SAMD4B: variants seen among roughly 807,000 people sequenced by gnomAD.
SAMD4B encodes sterile alpha motif domain containing 4B, also known as protein Smaug homolog 2.
Under a neutral mutation model 74.5 loss-of-function variants are expected in SAMD4B, and 5 were observed. That is an observed-to-expected ratio of 0.07 (90% CI 0.04 to 0.14). The LOEUF is 0.14. Among genes scored for constraint, SAMD4B ranks in the 10% least tolerant of loss-of-function variants. The pLI is 1.00. For synonymous variants in SAMD4B, 373 were observed against 374.9 expected, an observed-to-expected ratio of 1.00 and a Z score of 0.06; for missense variants, 608 against 921.8, an observed-to-expected ratio of 0.66 and a Z score of 4.41.
At position 39,375,620 on chromosome 19, in the gene SAMD4B, A is replaced by G; in HGVS notation, c.668-30A>G. The G allele has an allele frequency of 6.3e-7, 1 of 1,589,528 alleles. No individual in the cohort carries two copies. The highest frequency in any genetic ancestry group is 8.6e-7 in the Non-Finnish European group (1 of 1,160,594). ...CTCCTGTGGTTGGGTCCCCAGGTCT[A>G]ATATTTTGCTTTTCTCCCACTCTGG... On this transcript the variant is annotated intron_variant, in intron 4 of 13. Transcript: ENST00000610417. This position sits in a 1 kb window ranked among gnomAD's most constrained non-coding sequence, Gnocchi z 4.1.
intron 1 of SAMD4B, 150 bp downstream of exon 1, chr19:39,342,726 TC>T (rs2075379728): frequency 6.6e-6 from 1 of 151,628 alleles, no homozygotes; most frequent in South Asian, 1.8e-4. Context: ...AACGCGGGCC[TC>T]GGGGGGCCGG....
In SAMD4B at chr19:39,373,547, G is replaced by A. The variant is rs557425272; in HGVS notation, c.668-2103G>A. ...GGCAGCAGCAGAGGGGTACATGACC[G>A]AGGCATGAAGGGAGAAGTGGCTGAT... On this transcript the variant is annotated intron_variant, in intron 4 of 13. Coordinates refer to ENST00000610417, the MANE Select transcript of SAMD4B (RefSeq NM_001384574.2). Among the ~76,000 whole-genome samples the A allele has an allele frequency of 3.3e-5, 5 of 152,256 alleles. No homozygotes were observed. The South Asian group carries it at 8.3e-4, about 25-fold the overall frequency.
downstream of SAMD4B, chr19:39,386,694 C>G (rs772902240): frequency 2.5e-6 from 4 of 1,612,322 alleles, no homozygotes; most frequent in Admixed American, 5.0e-5. This position sits in a 1 kb window ranked among gnomAD's most constrained non-coding sequence, Gnocchi z 6.1. Context: ...TGCTTGTTAC[C>G]TGAGCTTCCA....
intron 3 of SAMD4B, among the ~76,000 whole-genome samples, chr19:39,360,346 A>C (rs1209921649): frequency 1.3e-5 from 2 of 152,194 alleles, no homozygotes; most frequent in African/African-American, 4.8e-5. Flanking sequence ...AGTGCTGTGA[A>C]ATGAATTGAA....
chr19:39,356,987 C>T lies in SAMD4B; in HGVS notation c.94C>T (p.Arg32Trp). The change falls in exon 3 of 14, where the codon CGG (arginine) becomes TGG (tryptophan). Residue 32 changes from arginine to tryptophan, a missense_variant. By Grantham distance (101) the Arg-to-Trp change is moderately radical. This residue lies in a region of SAMD4B where 74 missense variants were observed against 182.0 expected (regional missense o/e 0.41). Coordinates refer to ENST00000610417, the MANE Select transcript of SAMD4B (RefSeq NM_001384574.2). ...QTVALLSLLK[R>W]VTRTQARFLQ... ...AGTGGCCCTCCTGTCACTTCTGAAACGGGTCACCCGTACCCAGGCCCGCTT... is the reference window on the plus strand; with the variant it reads ...AGTGGCCCTCCTGTCACTTCTGAAATGGGTCACCCGTACCCAGGCCCGCTT... The T allele has an allele frequency of 6.2e-7, 1 of 1,614,046 alleles. No individual in the cohort carries two copies. Among genetic ancestry groups the T allele is most frequent in the Non-Finnish European group, 8.5e-7 (1 of 1,179,980 alleles).
chr19:39,354,953 A>G (rs1600526546), intron 2 of SAMD4B, among the ~76,000 whole-genome samples: 1 of 152,058 alleles, frequency 6.6e-6, no homozygotes, highest in African/African-American at 2.4e-5. Context: ...GCTCACTGCA[A>G]CCTCCGCCTC....
In SAMD4B at chr19:39,361,432, T is replaced by C. The variant is rs1335138805; in HGVS notation, c.196+4343T>C. ...GAGATTGAGACCATCCTGGCTAAAA[T>C]GGTGAAACCCCGTCTCTACTAAAAA... On this transcript the variant is annotated intron_variant, in intron 3 of 13. Coordinates refer to ENST00000610417, the MANE Select transcript of SAMD4B (RefSeq NM_001384574.2). 1.6e-3 allele frequency among the ~76,000 whole-genome samples: 196 copies of C among 125,832 alleles called. No homozygotes were observed. The Middle Eastern group carries it at 0.018, about 12-fold the overall frequency. The allele number at this position is 125,832 out of a possible 152,430, so 82.6% of individuals were successfully genotyped here.
intron 1 of SAMD4B, among the ~76,000 whole-genome samples, chr19:39,349,200 A>G (rs1352710780): frequency 6.6e-6 from 1 of 152,256 alleles, no homozygotes; most frequent in Non-Finnish European, 1.5e-5. Context: ...TCTTTGGGAA[A>G]TGGAAGAAGT....
In SAMD4B at chr19:39,359,579, C is replaced by T. The variant is rs375007440; in HGVS notation, c.196+2490C>T. Among the ~76,000 whole-genome samples the T allele has an allele frequency of 2.6e-5, 4 of 152,306 alleles. 1 individual carries two copies. Among genetic ancestry groups the T allele is most frequent in the African/African-American group, 7.2e-5 (3 of 41,558 alleles). On this transcript the variant is annotated intron_variant, in intron 3 of 13. Coordinates refer to ENST00000610417, the MANE Select transcript of SAMD4B (RefSeq NM_001384574.2). ...AAGATCATTCCGTATTCAGCACATA[C>T]GTCTGTTTCTCGTTAAGTATTTATT...
chr19:39,369,782 G>C lies in SAMD4B; in HGVS notation c.324G>C (p.Val108=). 1 of 1,614,144 alleles carries C rather than the reference G, an allele frequency of 6.2e-7. No homozygotes were observed. The highest frequency in any genetic ancestry group is 1.3e-5 in the African/African-American group (1 of 74,948). The change falls in exon 4 of 14, where the codon GTG becomes GTC. Residue 108 remains valine (V), a synonymous_variant. Coordinates refer to ENST00000610417, the MANE Select transcript of SAMD4B (RefSeq NM_001384574.2). The stretch of plus-strand genomic sequence containing the variant: ...AGTACATGAGGCTACTGCAGAAAGT[G>C]CTGGCCTACTCAATCGAGAGCAATG... ...KSEYMRLLQK[V]LAYSIESNAF... is the part of the protein sequence containing the mutation.
downstream of SAMD4B, chr19:39,386,216 A>G (rs1240343297): frequency 1.2e-6 from 2 of 1,614,012 alleles, no homozygotes; most frequent in Admixed American, 3.3e-5. The surrounding 1 kb of genome is among the most constrained non-coding windows in gnomAD (Gnocchi z 6.1). Flanking sequence ...CAGAATCAGC[A>G]TCACTGCCAA....
At chr19:39,389,362 C>T (rs1189497173), downstream of SAMD4B, 1 of 1,614,180 alleles carries the variant, frequency 6.2e-7, no homozygotes, top group South Asian at 1.1e-5. This position sits in a 1 kb window ranked among gnomAD's most constrained non-coding sequence, Gnocchi z 5.3. Flanking sequence ...TCCATGGCAC[C>T]ACCTTCGCGT....
At chr19:39,389,887 A>G (rs980391066), downstream of SAMD4B, 1 of 1,351,876 alleles carries the variant, frequency 7.4e-7, no homozygotes. This position sits in a 1 kb window ranked among gnomAD's most constrained non-coding sequence, Gnocchi z 5.3. Context: ...CAGAGTCTGA[A>G]AGCTGGCTCC....
At chr19:39,356,228 T>G (rs1232984044) in intron 2 of SAMD4B, among the ~76,000 whole-genome samples, 2 of 152,126 alleles carry the variant, frequency 1.3e-5, no homozygotes, top group Non-Finnish European at 2.9e-5. Flanking sequence ...TATCAGTAGG[T>G]TAGGAGTCAC....
At chr19:39,342,784 C>T (rs982941130) in intron 1 of SAMD4B, among the ~76,000 whole-genome samples, 3 of 151,712 alleles carry the variant, frequency 2.0e-5, no homozygotes, top group African/African-American at 4.8e-5. Flanking sequence ...CCCTCCTGGG[C>T]CCTGGCCGAA....
At position 39,383,150 on chromosome 19, in the gene SAMD4B, T is replaced by C; in HGVS notation, c.1973-58T>C. ...TACCAGCATCCTTTGTCATCCCAGC[T>C]GTCTTCACCTGAGTCCAGTTGGTCC... On this transcript the variant is annotated intron_variant, in intron 12 of 13. Transcript: ENST00000610417. This position sits in a 1 kb window ranked among gnomAD's most constrained non-coding sequence, Gnocchi z 4.1. The C allele has an allele frequency of 1.5e-6, 2 of 1,348,022 alleles. No homozygotes were observed. The highest frequency in any genetic ancestry group is 2.1e-6 in the Non-Finnish European group (2 of 937,084). 83.5% of individuals were successfully genotyped at this position (1,348,022 alleles called of 1,614,324 possible). A position where few individuals can be genotyped will look rare whatever the true frequency, so the allele number is the denominator to read the frequency against.
chr19:39,385,939 G>A, downstream of SAMD4B: 1 of 1,604,422 alleles, frequency 6.2e-7, no homozygotes, highest in East Asian at 2.2e-5. Flanking sequence ...CTAGAAAAGT[G>A]CTTTGCTGCT....
downstream of SAMD4B, chr19:39,386,593 A>T (rs374822783): frequency 1.4e-5 from 23 of 1,613,234 alleles, no homozygotes; most frequent in Non-Finnish European, 1.8e-5. This position sits in a 1 kb window ranked among gnomAD's most constrained non-coding sequence, Gnocchi z 6.1. Context: ...CAAGATTGGA[A>T]TGAGGGGAAG....
At chr19:39,359,572 G>A (rs2076530430) in intron 3 of SAMD4B, among the ~76,000 whole-genome samples, 1 of 152,092 alleles carries the variant, frequency 6.6e-6, no homozygotes, top group African/African-American at 2.4e-5. Flanking sequence ...TCCGTATTCA[G>A]CACATACGTC....
Sources: allele counts gnomAD v4.1 joint callset (sites outside exome capture counted in the v4.1 genomes callset), GRCh38; gene constraint gnomAD v4.1.1; regional missense constraint gnomAD v4.1.1; non-coding constraint Gnocchi (gnomAD v3.1); transcripts MANE v1.5; gene names NCBI Gene and HGNC (gene_info 2026-07-23, HGNC 2026-07-21).